The following PDE6A variants were observed in gnomAD, a reference collection of about 807,000 sequenced individuals.
PDE6A encodes the protein rod cGMP-specific 3',5'-cyclic phosphodiesterase subunit alpha.
A neutral mutation model predicts 106.3 loss-of-function variants in PDE6A; 84 were observed. The ratio of observed to expected loss-of-function variants is 0.79; its 90% CI spans 0.66 to 0.95. The LOEUF (loss-of-function observed/expected upper bound fraction) is 0.95, where lower values mean the gene tolerates loss of function less well. Among genes scored for constraint, PDE6A ranks in the 40% least tolerant of loss-of-function variants. PDE6A has a pLI of 0.00. For synonymous variants in PDE6A, 394 were observed against 386.6 expected (o/e 1.02, Z -0.23); for missense variants, 1,052 against 1,084.9 (o/e 0.97, Z 0.43).
Position 149,860,852 on chromosome 5 carries a change from C to T in PDE6A, c.*43G>A. ...TCCACTGGCTTGAGTCATCTCTTCCCAGGAAAGGGTGGTGCCGTCCAGCCA... is the reference window on the plus strand; with the variant it reads ...TCCACTGGCTTGAGTCATCTCTTCCTAGGAAAGGGTGGTGCCGTCCAGCCA... On this transcript the variant is annotated 3_prime_UTR_variant, in exon 22 of 22. Transcript: ENST00000255266. 1 of 1,534,396 alleles carries T rather than the reference C, an allele frequency of 6.5e-7. No individual in the cohort carries two copies. Among genetic ancestry groups the T allele is most frequent in the Admixed American group, 1.7e-5 (1 of 59,898 alleles).
intron 21 of PDE6A, among the ~76,000 whole-genome samples, chr5:149,861,197 G>A (rs1173931261): frequency 6.6e-6 from 1 of 152,230 alleles, no homozygotes; most frequent in African/African-American, 2.4e-5. Flanking sequence ...CCAGTACTCG[G>A]CACCAATGTC....
At chr5:149,867,389 T>C (rs112021637) in intron 19 of PDE6A, 18 of 427,786 alleles carry the variant, frequency 4.2e-5, no homozygotes, top group African/African-American at 3.6e-4. Context: ...AATCTAAGTG[T>C]TGGAGTCCAC....
intron 8 of PDE6A, among the ~76,000 whole-genome samples, 166 bp downstream of exon 8, chr5:149,903,482 A>G (rs190861293): frequency 1.3e-5 from 2 of 152,100 alleles, no homozygotes; most frequent in Non-Finnish European, 2.9e-5. Flanking sequence ...GAAATTACCC[A>G]GTTAACTCTG....
At chr5:149,862,049 C>A (rs1760163416) in intron 21 of PDE6A, among the ~76,000 whole-genome samples, 2 of 152,176 alleles carry the variant, frequency 1.3e-5, no homozygotes, top group African/African-American at 4.8e-5. Flanking sequence ...TCAACCCACG[C>A]TGCCCAGAGC....
chr5:149,861,075 G>T (rs1468370022), intron 21 of PDE6A, 104 bp from the exon 22 acceptor site: 1 of 929,572 alleles, frequency 1.1e-6, no homozygotes, highest in Non-Finnish European at 1.7e-6. Context: ...AAGGCTTTCA[G>T]TGGCCAACAG....
intron 4 of PDE6A, among the ~76,000 whole-genome samples, chr5:149,925,172 T>C (rs1477801419): frequency 2.0e-5 from 3 of 152,066 alleles, no homozygotes; most frequent in African/African-American, 7.2e-5. Flanking sequence ...TAACAGACAA[T>C]TCACGGAAAA....
chr5:149,871,109 C>G (rs764394777), intron 17 of PDE6A, among the ~76,000 whole-genome samples: 1 of 152,016 alleles, frequency 6.6e-6, no homozygotes, highest in Non-Finnish European at 1.5e-5. Flanking sequence ...ATGTGGAAGC[C>G]CTAACCTTTA....
At chr5:149,941,488 G>T (rs925863274) in intron 1 of PDE6A, among the ~76,000 whole-genome samples, 3 of 152,192 alleles carry the variant, frequency 2.0e-5, no homozygotes, top group Non-Finnish European at 4.4e-5. Context: ...GAATCTCAGG[G>T]AACAGTGGAT....
At chr5:149,928,231 A>ATATTTTTTT in intron 4 of PDE6A, among the ~76,000 whole-genome samples, 5 of 19,746 alleles carry the variant, frequency 2.5e-4, no homozygotes, top group African/African-American at 2.4e-3. Context: ...ATATATATAT[A>ATATTTTTTT]TTTTTTTTTT....
chr5:149,944,647 CA>C lies in PDE6A; in HGVS notation c.26del (p.Val9GlyfsTer74). On this transcript the variant is annotated frameshift_variant, in exon 1 of 22. Coordinates refer to ENST00000255266, the MANE Select transcript of PDE6A (RefSeq NM_000440.3). LOFTEE classifies it high-confidence loss of function. The stretch of plus-strand genomic sequence containing the variant: ...CAATATTCGAGTCCAGGAACTTCTC[CA>C]CCTCCTCTGCTGTCACCTCGCCCAT... MGEVTAEE[V>X]EKFLDSNIGF... 1.2e-6 allele frequency: 2 copies of C among 1,612,060 alleles called. No individual in the cohort carries two copies. The highest frequency in any genetic ancestry group is 1.7e-6 in the Non-Finnish European group (2 of 1,179,198).
intron 4 of PDE6A, among the ~76,000 whole-genome samples, chr5:149,928,209 C>A (rs190553021): frequency 0.069 from 2,978 of 43,424 alleles, 212 homozygotes; most frequent in African/African-American, 0.13. Context: ...ATTGTATGTG[C>A]TATATATATA....
At chr5:149,914,761 A>C (rs997789932) in intron 6 of PDE6A, among the ~76,000 whole-genome samples, 182 bp downstream of exon 6, 8 of 151,946 alleles carry the variant, frequency 5.3e-5, no homozygotes, top group Admixed American at 1.3e-4. Context: ...AAAATGATTA[A>C]CATGTTCTTT....
intron 17 of PDE6A, among the ~76,000 whole-genome samples, chr5:149,873,451 C>T (rs1318915842): frequency 1.3e-5 from 2 of 151,990 alleles, no homozygotes; most frequent in Non-Finnish European, 2.9e-5. Context: ...CCTGCCTCAG[C>T]CTCCTGAGTA....
chr5:149,937,029 A>ATG (rs1754204333), intron 1 of PDE6A, among the ~76,000 whole-genome samples: 1 of 152,224 alleles, frequency 6.6e-6, no homozygotes, highest in African/African-American at 2.4e-5. Context: ...TCTTCCTCCA[A>ATG]CTTGAGGAAA....
At chr5:149,883,326 G>T in intron 17 of PDE6A, 103 bp downstream of exon 17, 2 of 787,794 alleles carry the variant, frequency 2.5e-6, no homozygotes, top group Non-Finnish European at 2.2e-6. Flanking sequence ...CCTCCAAAAT[G>T]AAATAGTCCC....
At chr5:149,873,542 G>A (rs757102579) in intron 17 of PDE6A, among the ~76,000 whole-genome samples, 11 of 152,070 alleles carry the variant, frequency 7.2e-5, no homozygotes, top group Non-Finnish European at 1.5e-4. Context: ...ACGTTGACCA[G>A]GTTGGTCTCA....
At chr5:149,900,375 G>GTATATATATATATATATATATA (rs55680278) in intron 8 of PDE6A, among the ~76,000 whole-genome samples, 1,378 of 82,478 alleles carry the variant, frequency 0.017, 106 homozygotes, top group South Asian at 0.02. Context: ...AAATATATAT[G>GTATATATATATATATATATATA]TATATATATA....
At chr5:149,903,053 G>T (rs1464512515) in intron 8 of PDE6A, among the ~76,000 whole-genome samples, 1 of 148,592 alleles carries the variant, frequency 6.7e-6, no homozygotes, top group Non-Finnish European at 1.5e-5. Context: ...GCAGGCTGAG[G>T]CAGGAGTTTT....
chr5:149,869,555 T>C (rs979518667), intron 17 of PDE6A, among the ~76,000 whole-genome samples: 1 of 152,110 alleles, frequency 6.6e-6, no homozygotes, highest in Admixed American at 6.5e-5. Flanking sequence ...TTAGAGCAGG[T>C]AATCCTGGTA....
Sources: allele counts gnomAD v4.1 joint callset (sites outside exome capture counted in the v4.1 genomes callset), GRCh38; gene constraint gnomAD v4.1.1; transcripts MANE v1.5; gene names NCBI Gene and HGNC (gene_info 2026-07-23, HGNC 2026-07-21).